The following USH2A variants were observed in gnomAD, a reference collection of about 807,000 sequenced individuals.
USH2A encodes the protein Usher syndrome 2A (autosomal recessive, mild).
A neutral mutation model predicts 538.9 loss-of-function variants in USH2A; 443 were observed. The observed-to-expected ratio is 0.82, with a 90% confidence interval of 0.76 to 0.89. The LOEUF (loss-of-function observed/expected upper bound fraction) is 0.89, where lower values mean the gene tolerates loss of function less well. Among genes scored for constraint, USH2A ranks in the 40% least tolerant of loss-of-function variants. The probability of loss-of-function intolerance (pLI) is 0.00; values close to 1 mark genes in which losing one functional copy is unlikely to be tolerated. For missense variants in USH2A, 6,633 were observed against 6,324.8 expected, an observed-to-expected ratio of 1.05 and a Z score of -1.65; for synonymous variants, 2,413 against 2,273.5, an observed-to-expected ratio of 1.06 and a Z score of -1.75.
At chr1:216,377,464 C>A (rs1468595551) in intron 3 of USH2A, among the ~76,000 whole-genome samples, 2 of 152,066 alleles carry the variant, frequency 1.3e-5, no homozygotes, top group Non-Finnish European at 2.9e-5. Flanking sequence ...TGAACAGTTT[C>A]CTTTCCTCCC....
At chr1:216,383,866 C>CTTTTTTTTTTTTT (rs57494312) in intron 3 of USH2A, among the ~76,000 whole-genome samples, 1 of 134,926 alleles carries the variant, frequency 7.4e-6, no homozygotes, top group Non-Finnish European at 1.6e-5. Flanking sequence ...TTCTTTCTTT[C>CTTTTTTTTTTTTT]TTTTTTTTTT....
chr1:216,179,951 C>T (rs2034461191), intron 20 of USH2A, among the ~76,000 whole-genome samples: 1 of 152,064 alleles, frequency 6.6e-6, no homozygotes, highest in African/African-American at 2.4e-5. Context: ...ATGTCTAAAT[C>T]TGTGTGATCT....
chr1:215,782,823 T>C lies in USH2A; in HGVS notation c.10500A>G (p.Gln3500=), dbSNP rs2102763505. 1 of 1,614,010 alleles carries C rather than the reference T, an allele frequency of 6.2e-7. No individual in the cohort carries two copies. The highest frequency in any genetic ancestry group is 8.5e-7 in the Non-Finnish European group (1 of 1,179,908). The change falls in exon 53 of 72, where the codon CAA becomes CAG. Residue 3500 remains glutamine (Q), a synonymous_variant. Transcript: ENST00000307340. ...VRARTKEDVP[Q]GVSPPTWTKI... is the part of the protein sequence containing the mutation. ...TGGTCCACGTAGGGGGACTCACTCCTTGAGGCACATCTTCTTTTGTTCTGG... is the reference window on the plus strand; with the variant it reads ...TGGTCCACGTAGGGGGACTCACTCCCTGAGGCACATCTTCTTTTGTTCTGG...
intron 38 of USH2A, among the ~76,000 whole-genome samples, chr1:215,912,497 ATATATATATATATACGTG>A (rs1313719841): frequency 1.3e-4 from 3 of 23,088 alleles, no homozygotes; most frequent in African/African-American, 2.8e-4. Context: ...ATATGTGTAT[ATATATATATATATACGTG>A]TATATATATA....
At chr1:215,990,744 G>A (rs1407903785) in intron 35 of USH2A, among the ~76,000 whole-genome samples, 1 of 143,884 alleles carries the variant, frequency 7.0e-6, no homozygotes, top group Non-Finnish European at 1.5e-5. Flanking sequence ...GACAGGGATT[G>A]TTAATCTTAA....
At chr1:215,831,170 C>A (rs1350116265) in intron 47 of USH2A, among the ~76,000 whole-genome samples, 3 of 152,036 alleles carry the variant, frequency 2.0e-5, no homozygotes, top group Non-Finnish European at 2.9e-5. Flanking sequence ...CATTAACAAT[C>A]CTAAACATGT....
chr1:216,299,115 T>C (rs2037164213), intron 9 of USH2A, among the ~76,000 whole-genome samples: 1 of 152,146 alleles, frequency 6.6e-6, no homozygotes, highest in African/African-American at 2.4e-5. Context: ...GTGCTAGGTT[T>C]ACAGGCGTGA....
chr1:215,870,238 C>A (rs1664587730), intron 43 of USH2A, among the ~76,000 whole-genome samples: 1 of 151,016 alleles, frequency 6.6e-6, no homozygotes, highest in Non-Finnish European at 1.5e-5. Flanking sequence ...CTTTAACTTT[C>A]ATTGTTAAGT....
intron 44 of USH2A, among the ~76,000 whole-genome samples, chr1:215,862,513 T>C (rs1203311955): frequency 6.6e-6 from 1 of 152,118 alleles, no homozygotes; most frequent in East Asian, 1.9e-4. Context: ...TGTTTACATA[T>C]GTAACAAACC....
At chr1:215,880,396 G>C (rs1664874513) in intron 41 of USH2A, among the ~76,000 whole-genome samples, 1 of 151,950 alleles carries the variant, frequency 6.6e-6, no homozygotes, top group East Asian at 1.9e-4. Flanking sequence ...ATTAACAATG[G>C]GCCAATATCT....
chr1:215,714,014 T>C (rs1254906529), intron 61 of USH2A, among the ~76,000 whole-genome samples: 3 of 152,178 alleles, frequency 2.0e-5, no homozygotes, highest in Non-Finnish European at 4.4e-5. Flanking sequence ...CTCCACAGAT[T>C]GGTTATTGAG....
In USH2A at chr1:215,685,607, C is replaced by T. The variant is rs571545060; in HGVS notation, c.12067-5231G>A. Reference sequence around the variant, plus strand: ...TTCGGACTTCAGGTGATCCACCCGCCATGGCCTCCCAAAGTGCTGGGATTA... The same window carrying T: ...TTCGGACTTCAGGTGATCCACCCGCTATGGCCTCCCAAAGTGCTGGGATTA... On this transcript the variant is annotated intron_variant, in intron 61 of 71. Coordinates refer to ENST00000307340, the MANE Select transcript of USH2A (RefSeq NM_206933.4). Among the ~76,000 whole-genome samples the T allele has an allele frequency of 1.1e-4, 16 of 152,194 alleles. 1 individual carries two copies. The highest frequency in any genetic ancestry group is 3.1e-4 in the African/African-American group (13 of 41,562).
At chr1:216,419,321 T>A (rs2039637173) in intron 2 of USH2A, among the ~76,000 whole-genome samples, 3 of 152,146 alleles carry the variant, frequency 2.0e-5, no homozygotes, top group Non-Finnish European at 1.5e-5. Flanking sequence ...TGAAAGGTCC[T>A]TCAGCCTTCT....
intron 60 of USH2A, among the ~76,000 whole-genome samples, chr1:215,735,470 A>G (rs1197756769): frequency 1.3e-5 from 2 of 152,220 alleles, no homozygotes; most frequent in Non-Finnish European, 2.9e-5. Context: ...ATATTCACAC[A>G]AAGAAGGAAA....
intron 41 of USH2A, among the ~76,000 whole-genome samples, chr1:215,881,371 C>T (rs1038476826): frequency 1.1e-4 from 17 of 152,302 alleles, no homozygotes; most frequent in African/African-American, 3.6e-4. Context: ...AACTCCTGAC[C>T]TCAGGTGATC....
chr1:215,684,944 C>T (rs1658364384), intron 61 of USH2A, among the ~76,000 whole-genome samples: 2 of 151,078 alleles, frequency 1.3e-5, no homozygotes, highest in South Asian at 4.1e-4. Flanking sequence ...AGTATATTAA[C>T]CTCTGTATTC....
At chr1:216,231,352 G>A (rs2102520804) in intron 14 of USH2A, among the ~76,000 whole-genome samples, 1 of 139,398 alleles carries the variant, frequency 7.2e-6, no homozygotes, top group African/African-American at 2.8e-5. Flanking sequence ...CTTCAGATAT[G>A]TCTTTTCCTG....
At chr1:215,894,896 G>A (rs1199726721) in intron 40 of USH2A, among the ~76,000 whole-genome samples, 1 of 152,162 alleles carries the variant, frequency 6.6e-6, no homozygotes, top group Non-Finnish European at 1.5e-5. Flanking sequence ...TGGAGATGGT[G>A]TAAATTTGAA....
chr1:215,903,670 G>C (rs1410767006), intron 38 of USH2A, among the ~76,000 whole-genome samples: 3 of 152,124 alleles, frequency 2.0e-5, no homozygotes, highest in African/African-American at 7.2e-5. Flanking sequence ...ATGTAGAGCA[G>C]TGAGTAGATT....
Sources: allele counts gnomAD v4.1 joint callset (sites outside exome capture counted in the v4.1 genomes callset), GRCh38; gene constraint gnomAD v4.1.1; transcripts MANE v1.5; gene names NCBI Gene and HGNC (gene_info 2026-07-23, HGNC 2026-07-21).